DIAPH1: variants seen among roughly 807,000 people sequenced by gnomAD.
DIAPH1 encodes diaphanous related formin 1, also known as protein diaphanous homolog 1.
In DIAPH1, 46 loss-of-function variants were observed where a neutral mutation model predicts 140.7. The observed-to-expected ratio is 0.33, with a 90% confidence interval of 0.26 to 0.42. DIAPH1 has a LOEUF of 0.42. Among genes scored for constraint, DIAPH1 ranks in the 10% least tolerant of loss-of-function variants. The probability of loss-of-function intolerance (pLI) is 1.00; values close to 1 mark genes in which losing one functional copy is unlikely to be tolerated. For synonymous variants in DIAPH1, 565 were observed against 551.6 expected (o/e 1.02, Z -0.34); for missense variants, 1,310 against 1,558.7 (o/e 0.84, Z 2.69).
At chr5:141,536,432 G>A (rs921358489) in intron 18 of DIAPH1, among the ~76,000 whole-genome samples, 4 of 152,094 alleles carry the variant, frequency 2.6e-5, no homozygotes, top group Admixed American at 6.6e-5. Flanking sequence ...CTGGGCAATG[G>A]AAATAAAAGA....
intron 23 of DIAPH1, among the ~76,000 whole-genome samples, chr5:141,528,029 G>A (rs139447286): frequency 6.6e-6 from 1 of 152,278 alleles, no homozygotes; most frequent in South Asian, 2.1e-4. Flanking sequence ...TAGAGAACAG[G>A]GTTTGGGAGG....
intron 15 of DIAPH1, among the ~76,000 whole-genome samples, 180 bp from the exon 16 acceptor site, chr5:141,574,388 A>T (rs1005219798): frequency 7.9e-5 from 12 of 152,232 alleles, no homozygotes; most frequent in African/African-American, 2.9e-4. Context: ...AGCCAAAACT[A>T]GAATTCAGGT....
rs1402198970 is a variant in DIAPH1, at chr5:141,579,150, C to G, written c.871G>C (p.Glu291Gln). 3.1e-6 allele frequency: 5 copies of G among 1,614,200 alleles called. No individual in the cohort carries two copies. In the South Asian group the frequency reaches 4.4e-5, roughly 14 times the overall value. ...AGCAGCGGCTGGAAACGTTCCACTT[C>G]ATCCATCTCAGCTCTTTCTGTCATT... ...EAMTERAEMDEVERFQPLLDG... is the reference protein window; with the variant it reads ...EAMTERAEMDQVERFQPLLDG... The change falls in exon 9 of 28, where the codon GAA becomes CAA. Residue 291 changes from glutamate to glutamine, a missense_variant. Around this residue, in one of 3 missense-constraint regions of DIAPH1, gnomAD observed 377 missense variants for 497.1 expected, o/e 0.76. Coordinates refer to ENST00000389054, the MANE Select transcript of DIAPH1 (RefSeq NM_005219.5).
At chr5:141,573,366 C>T (rs1443069467) in intron 16 of DIAPH1, 126 bp downstream of exon 16, 6 of 1,183,076 alleles carry the variant, frequency 5.1e-6, no homozygotes, top group African/African-American at 1.6e-5. Context: ...ACCCGGGAGG[C>T]GGAGCTTGCA....
At chr5:141,538,307 G>A (rs1024757518) in intron 18 of DIAPH1, among the ~76,000 whole-genome samples, 37 of 151,764 alleles carry the variant, frequency 2.4e-4, no homozygotes, top group East Asian at 7.8e-4. Flanking sequence ...TGATCTGCCC[G>A]CCTCGGCCTC....
chr5:141,599,440 T>C (rs2099899813), intron 1 of DIAPH1, among the ~76,000 whole-genome samples: 1 of 152,224 alleles, frequency 6.6e-6, no homozygotes, highest in African/African-American at 2.4e-5. Context: ...ACAGCACAGC[T>C]GAATGCCACT....
rs2099886134 is a variant in DIAPH1, at chr5:141,519,082, CTG to C, written c.3662-2076_3662-2075del. ...ACAGATCATAGGTATGTGCCCGAGA[CTG>C]TGGGATTTTCACAAAACCATTTATT... On this transcript the variant is annotated intron_variant, in intron 27 of 27. Coordinates refer to ENST00000389054, the MANE Select transcript of DIAPH1 (RefSeq NM_005219.5). 1.6e-5 allele frequency: 20 copies of C among 1,265,588 alleles called. No homozygotes were observed. The South Asian group carries it at 2.2e-4, about 14-fold the overall frequency. The allele number at this position is 1,265,588 out of a possible 1,614,324, so 78.4% of individuals were successfully genotyped here. A position where few individuals can be genotyped will look rare whatever the true frequency, so the allele number is the denominator to read the frequency against.
At chr5:141,533,625 T>A (rs2099888575) in intron 19 of DIAPH1, among the ~76,000 whole-genome samples, 1 of 152,146 alleles carries the variant, frequency 6.6e-6, no homozygotes, top group Non-Finnish European at 1.5e-5. Flanking sequence ...GGTGGGCAGA[T>A]CACTTGAGGC....
intron 1 of DIAPH1, among the ~76,000 whole-genome samples, chr5:141,606,716 TAA>T (rs991292829): frequency 7.9e-5 from 12 of 152,164 alleles, no homozygotes; most frequent in South Asian, 4.1e-4. Context: ...TAAAATAACA[TAA>T]GAGTTTTTTT....
chr5:141,518,567 G>A, intron 27 of DIAPH1: 1 of 173,354 alleles, frequency 5.8e-6, no homozygotes, highest in Non-Finnish European at 1.2e-5. Flanking sequence ...CAGTCGCCCA[G>A]GCTGGAGTGC....
chr5:141,564,304 A>G (rs1384118728), intron 18 of DIAPH1: 5 of 152,218 alleles, frequency 3.3e-5, no homozygotes. Context: ...ATCAGCTTGT[A>G]TTTGGAAAGG....
At chr5:141,517,581 C>T (rs1398820677) in intron 27 of DIAPH1, among the ~76,000 whole-genome samples, 3 of 152,108 alleles carry the variant, frequency 2.0e-5, no homozygotes. Context: ...CAGATGCCCA[C>T]ATGCCTTAGC....
rs762324866 is a variant in DIAPH1 at position 141,578,633 on chromosome 5, A to C, written c.934-8T>G. On this transcript the variant is annotated splice_region_variant and splice_polypyrimidine_tract_variant and intron_variant, in intron 9 of 27. Coordinates refer to ENST00000389054, the MANE Select transcript of DIAPH1 (RefSeq NM_005219.5). ...CAGCTGTAGGCATCCAACCTAAAAT[A>C]AGAAAATTCAGCAGCTATGTCAATG... 2.0e-5 allele frequency: 32 copies of C among 1,608,042 alleles called. No individual in the cohort carries two copies. The South Asian group carries it at 3.5e-4, about 18-fold the overall frequency.
At chr5:141,531,461 C>T (rs1596341655) in intron 19 of DIAPH1, among the ~76,000 whole-genome samples, 1 of 151,902 alleles carries the variant, frequency 6.6e-6, no homozygotes, top group African/African-American at 2.4e-5. Flanking sequence ...TATAGGCATG[C>T]GGCACCACAT....
rs75860159 is a variant in DIAPH1, at chr5:141,576,284, A to T, written c.1407T>A (p.Ile469=). The T allele has an allele frequency of 1.9e-6, 3 of 1,613,828 alleles. No homozygotes were observed. The highest frequency in any genetic ancestry group is 1.1e-5 in the South Asian group (1 of 91,082). ...CAGATTTCTCCACCTTTGTCTTATC[A>T]ATCATTTGATCTGAAAAGAAGAAGA... ...IEIEGLIDQM[I]DKTKVEKSEA... is the part of the protein sequence containing the mutation. Residue 469 remains isoleucine, a synonymous_variant, in exon 14 of 28, where the codon ATT becomes ATA. Transcript: ENST00000389054.
chr5:141,528,429 T>C (rs369679862), intron 23 of DIAPH1, 24 bp downstream of exon 23: 16 of 1,613,918 alleles, frequency 9.9e-6, no homozygotes, highest in Non-Finnish European at 1.4e-5. Flanking sequence ...TTTTGGGCTC[T>C]AGCTTCATTC....
At chr5:141,533,672 C>T (rs1404873946) in intron 19 of DIAPH1, among the ~76,000 whole-genome samples, 1 of 152,058 alleles carries the variant, frequency 6.6e-6, no homozygotes, top group Non-Finnish European at 1.5e-5. Context: ...CATAGCGAGA[C>T]CCCTTCTCTA....
chr5:141,544,293 A>T (rs2099890450), intron 18 of DIAPH1, among the ~76,000 whole-genome samples: 1 of 152,094 alleles, frequency 6.6e-6, no homozygotes, highest in East Asian at 1.9e-4. Flanking sequence ...CTGGGCGACA[A>T]GAGTGAGACT....
intron 3 of DIAPH1, among the ~76,000 whole-genome samples, chr5:141,584,541 G>A (rs1404361426): frequency 6.6e-6 from 1 of 152,088 alleles, no homozygotes; most frequent in Non-Finnish European, 1.5e-5. Flanking sequence ...CTGCATCAAG[G>A]ATGGACCTTA....
Sources: gnomAD v4.1 joint callset for allele counts (sites outside exome capture counted in the v4.1 genomes callset) on GRCh38, gnomAD v4.1.1 for gene constraint, gnomAD v4.1.1 regional missense constraint, MANE v1.5 for transcripts, NCBI Gene and HGNC (gene_info 2026-07-23, HGNC 2026-07-21) for gene names.